CCBE1: variants seen among roughly 807,000 people sequenced by gnomAD.
CCBE1 encodes the protein collagen and calcium binding EGF domains 1.
CCBE1 carries 37 observed loss-of-function variants against 50.0 expected under a neutral mutation model. The ratio of observed to expected loss-of-function variants is 0.74; its 90% CI spans 0.57 to 0.97. The LOEUF (loss-of-function observed/expected upper bound fraction) is 0.97, where lower values mean the gene tolerates loss of function less well. Ranked by LOEUF, CCBE1 falls within the 50% of genes least tolerant of loss-of-function variation. The pLI, the probability that CCBE1 is intolerant of heterozygous loss-of-function variation, is 0.00. For missense variants in CCBE1, 538 were observed against 523.8 expected (o/e 1.03, Z -0.26); for synonymous variants, 234 against 203.7 (o/e 1.15, Z -1.27).
chr18:59,622,869 G>T (rs2053732057), intron 2 of CCBE1, among the ~76,000 whole-genome samples: 1 of 151,128 alleles, frequency 6.6e-6, no homozygotes, highest in South Asian at 2.1e-4. Flanking sequence ...GAGGGAGAGA[G>T]GGAGGGATAG....
At chr18:59,442,766 T>C (rs1259648764) in intron 7 of CCBE1, among the ~76,000 whole-genome samples, 7 of 152,112 alleles carry the variant, frequency 4.6e-5, no homozygotes. Context: ...ATTGGGAGAT[T>C]TCATATAAAA....
intron 2 of CCBE1, among the ~76,000 whole-genome samples, chr18:59,594,880 G>A (rs993701319): frequency 3.3e-5 from 5 of 152,028 alleles, no homozygotes; most frequent in Admixed American, 6.6e-5. Context: ...TTGGGAGGCC[G>A]AGGAGGGTGG....
At chr18:59,582,883 G>A (rs1015594821) in intron 2 of CCBE1, among the ~76,000 whole-genome samples, 1 of 152,186 alleles carries the variant, frequency 6.6e-6, no homozygotes, top group East Asian at 1.9e-4. Flanking sequence ...CACTATCATA[G>A]CTCACTGCAG....
intron 7 of CCBE1, 24 bp downstream of exon 7, chr18:59,447,959 T>G: frequency 6.2e-7 from 1 of 1,613,886 alleles, no homozygotes; most frequent in Admixed American, 1.7e-5. Context: ...GTGATCACCC[T>G]CCTGTGCCCT....
intron 2 of CCBE1, among the ~76,000 whole-genome samples, chr18:59,558,124 A>G (rs1001359199): frequency 6.6e-6 from 1 of 152,202 alleles, no homozygotes; most frequent in Admixed American, 6.5e-5. Context: ...TCTTAACATC[A>G]TTCGCAATTC....
In CCBE1 at chr18:59,594,981, A is replaced by G. The variant is rs139755067; in HGVS notation, c.212+101648T>C. Among the ~76,000 whole-genome samples the G allele has an allele frequency of 2.1e-3, 313 of 152,074 alleles. 4 individuals are homozygous for G. The East Asian group carries it at 0.032, about 15-fold the overall frequency. On this transcript the variant is annotated intron_variant, in intron 2 of 10. Coordinates refer to ENST00000439986, the MANE Select transcript of CCBE1 (RefSeq NM_133459.4). The stretch of plus-strand genomic sequence containing the variant: ...ACAAAAATTAACCAGGCATGGTGGC[A>G]TGTACTTGTAGTCCCAGCTACTTGA...
chr18:59,587,561 A>G (rs1334954144), intron 2 of CCBE1, among the ~76,000 whole-genome samples: 1 of 152,194 alleles, frequency 6.6e-6, no homozygotes, highest in Non-Finnish European at 1.5e-5. Flanking sequence ...TAACATATAA[A>G]GTATATTTCT....
In CCBE1 at chr18:59,435,920, G is replaced by A; in HGVS notation, c.1209C>T (p.Asp403=). 6.2e-7 allele frequency: 1 copy of A among 1,614,040 alleles called. No individual in the cohort carries two copies. The highest frequency in any genetic ancestry group is 8.5e-7 in the Non-Finnish European group (1 of 1,179,926). Residue 403 remains aspartate (D), a synonymous_variant, in exon 11 of 11, where the codon GAC becomes GAT. Transcript: ENST00000439986. The stretch of plus-strand genomic sequence containing the variant: ...GTGTTGGGATGTGCTATGGGTAGAA[G>A]TCTCTGGGGGCTCTCAAGTCTCTTG... ...TETRDLRAPR[D]FYP is the part of the protein sequence containing the mutation.
intron 5 of CCBE1, among the ~76,000 whole-genome samples, chr18:59,461,891 C>T (rs1293321817): frequency 6.6e-6 from 1 of 151,954 alleles, no homozygotes; most frequent in Non-Finnish European, 1.5e-5. Context: ...TGCCACCACG[C>T]CCAGCTAATG....
intron 2 of CCBE1, among the ~76,000 whole-genome samples, chr18:59,501,092 C>T (rs1261358850): frequency 1.3e-5 from 2 of 152,202 alleles, no homozygotes. Flanking sequence ...AAGTGTGAAG[C>T]ACAGTGTCTA....
chr18:59,622,466 T>G (rs1388670745), intron 2 of CCBE1, among the ~76,000 whole-genome samples: 1 of 150,110 alleles, frequency 6.7e-6, no homozygotes, highest in East Asian at 2.0e-4. Context: ...ATCATGCCAC[T>G]GCCCTCCAGC....
At chr18:59,531,843 G>T (rs933148350) in intron 2 of CCBE1, among the ~76,000 whole-genome samples, 3 of 152,116 alleles carry the variant, frequency 2.0e-5, no homozygotes, top group Non-Finnish European at 4.4e-5. Flanking sequence ...TACAAATGGG[G>T]GTGGGAAAGG....
chr18:59,519,926 G>T (rs568122495), intron 2 of CCBE1, among the ~76,000 whole-genome samples: 9 of 152,276 alleles, frequency 5.9e-5, no homozygotes, highest in Middle Eastern at 3.4e-3. Flanking sequence ...TTATTAAATA[G>T]GGAATCATTT....
intron 2 of CCBE1, 32 bp downstream of exon 2, chr18:59,696,597 T>A: frequency 6.2e-7 from 1 of 1,612,694 alleles, no homozygotes; most frequent in Non-Finnish European, 8.5e-7. Flanking sequence ...CGGTGCGCAG[T>A]GGCGAACAGC....
At chr18:59,625,467 A>G (rs911960009) in intron 2 of CCBE1, among the ~76,000 whole-genome samples, 2 of 150,166 alleles carry the variant, frequency 1.3e-5, no homozygotes, top group African/African-American at 2.5e-5. Flanking sequence ...GTAGCCATAT[A>G]CTGATGCTTG....
chr18:59,455,521 G>A (rs1445442895), intron 5 of CCBE1, among the ~76,000 whole-genome samples: 10 of 152,188 alleles, frequency 6.6e-5, no homozygotes, highest in South Asian at 2.1e-4. Flanking sequence ...AAACGCAGTC[G>A]GGCCCAACCA....
chr18:59,447,956 C>A, intron 7 of CCBE1, 27 bp downstream of exon 7: 1 of 1,613,796 alleles, frequency 6.2e-7, no homozygotes, highest in Non-Finnish European at 8.5e-7. Flanking sequence ...TTGGTGATCA[C>A]CCTCCTGTGC....
intron 2 of CCBE1, among the ~76,000 whole-genome samples, chr18:59,537,304 G>A (rs1361244901): frequency 6.6e-6 from 1 of 152,126 alleles, no homozygotes; most frequent in African/African-American, 2.4e-5. Flanking sequence ...CTCAAAGTGT[G>A]GCTGATATGG....
chr18:59,508,699 C>T (rs1446052144), intron 2 of CCBE1, among the ~76,000 whole-genome samples: 1 of 143,288 alleles, frequency 7.0e-6, no homozygotes, highest in Admixed American at 7.0e-5. Context: ...ACAGTACACA[C>T]ATAGAGTTAC....
Sources: gnomAD v4.1 joint callset for allele counts (sites outside exome capture counted in the v4.1 genomes callset) on GRCh38, gnomAD v4.1.1 for gene constraint, MANE v1.5 for transcripts, NCBI Gene and HGNC (gene_info 2026-07-23, HGNC 2026-07-21) for gene names.